MC2R: variants seen among roughly 807,000 people sequenced by gnomAD.
MC2R encodes melanocortin 2 receptor.
Under a neutral mutation model 9.8 loss-of-function variants are expected in MC2R, and 9 were observed. The observed-to-expected ratio is 0.92, with a 90% CI of 0.55 to 1.60. The LOEUF (loss-of-function observed/expected upper bound fraction) is 1.60, where lower values mean the gene tolerates loss of function less well. Ranked by LOEUF, MC2R falls within the 40% of genes most tolerant of loss-of-function variation. The probability of loss-of-function intolerance (pLI) is 0.00; values close to 1 mark genes in which losing one functional copy is unlikely to be tolerated. For synonymous variants in MC2R, 185 were observed against 154.7 expected (o/e 1.20, Z -1.45); for missense variants, 370 against 389.0 (o/e 0.95, Z 0.41).
chr18:13,892,338 A>T (rs116249317), intron 1 of MC2R, among the ~76,000 whole-genome samples: 2,496 of 149,390 alleles, frequency 0.017, 65 homozygotes, highest in African/African-American at 0.056. Context: ...AAAACAGAGG[A>T]TGAAGTATGG....
chr18:13,890,521 G>T lies in MC2R; in HGVS notation c.-128-4875C>A, dbSNP rs958779524. On this transcript the variant is annotated intron_variant, in intron 1 of 1. Coordinates refer to ENST00000327606, the MANE Select transcript of MC2R (RefSeq NM_000529.2). ...GGGTTCTGGTGGTGGGAGCTGTCAC[G>T]CGGCTGGGGCTGATCTGCACGTGTC... Among the ~76,000 whole-genome samples the T allele has an allele frequency of 2.6e-5, 4 of 152,280 alleles. No individual in the cohort carries two copies. The South Asian group carries it at 8.3e-4, about 32-fold the overall frequency.
chr18:13,915,091 C>T (rs1370901949), intron 1 of MC2R, among the ~76,000 whole-genome samples: 3 of 152,244 alleles, frequency 2.0e-5, no homozygotes, highest in East Asian at 3.9e-4. Context: ...CGCTAAAACC[C>T]CCGCACTCTT....
intron 1 of MC2R, among the ~76,000 whole-genome samples, 174 bp from the exon 2 acceptor site, chr18:13,885,820 A>C (rs146117819): frequency 1.3e-5 from 2 of 152,338 alleles, no homozygotes; most frequent in Non-Finnish European, 2.9e-5. Context: ...AAAGATATGG[A>C]ATCAACTAAA....
chr18:13,909,686 G>A (rs191401667), intron 1 of MC2R, among the ~76,000 whole-genome samples: 7 of 152,198 alleles, frequency 4.6e-5, no homozygotes, highest in Admixed American at 4.6e-4. Flanking sequence ...TTGGCCACTG[G>A]GAGCTCTCTC....
chr18:13,900,164 T>C (rs1042097090), intron 1 of MC2R, among the ~76,000 whole-genome samples: 1 of 152,116 alleles, frequency 6.6e-6, no homozygotes, highest in Non-Finnish European at 1.5e-5. Flanking sequence ...TGTTTGTTTA[T>C]GCAAACAATG....
At chr18:13,903,011 T>C (rs1240852887) in intron 1 of MC2R, among the ~76,000 whole-genome samples, 4 of 152,158 alleles carry the variant, frequency 2.6e-5, no homozygotes, top group South Asian at 4.1e-4. Flanking sequence ...TCTAATAATC[T>C]GATTTTTAAA....
chr18:13,884,970 C>T lies in MC2R; in HGVS notation c.549G>A (p.Pro183=), dbSNP rs200075322. 5.4e-5 allele frequency: 87 copies of T among 1,613,918 alleles called. No individual in the cohort carries two copies. The highest frequency in any genetic ancestry group is 6.5e-5 in the Non-Finnish European group (77 of 1,180,018). Residue 183 remains proline, a synonymous_variant, in exon 2 of 2, where the codon CCG becomes CCA. Transcript: ENST00000327606. The part of the protein sequence containing the change: ...PTVITFTSLF[P]LMLVFILCLY... ...GGCACAGGATGAAGACCAGCATCAG[C>T]GGGAACAGCGACGTGAAGGTGATCA...
At chr18:13,904,293 A>G (rs556094753) in intron 1 of MC2R, among the ~76,000 whole-genome samples, 126 of 150,966 alleles carry the variant, frequency 8.3e-4, no homozygotes, top group Non-Finnish European at 1.5e-3. Context: ...AGGCAGGAGA[A>G]TGGCGTGAAC....
At position 13,885,033 on chromosome 18, in the gene MC2R, GC is replaced by G; in HGVS notation, c.485del (p.Gly162AlafsTer5). 2 of 1,614,192 alleles carry G rather than the reference GC, an allele frequency of 1.2e-6. No individual in the cohort carries two copies. Among genetic ancestry groups the G allele is most frequent in the South Asian group, 2.2e-5 (2 of 91,082 alleles). ...TVIWTFCTGTGITMVIFSHHV... is the reference protein window; with the variant it reads ...TVIWTFCTGTXITMVIFSHHV... ...GATGGGAGAAGATCACCATGGTGAT[GC>G]CAGTCCCCGTGCAGAACGTCCAGAT... On this transcript the variant is annotated frameshift_variant, in exon 2 of 2. Transcript: ENST00000327606. LOFTEE classifies it high-confidence loss of function.
intron 1 of MC2R, among the ~76,000 whole-genome samples, chr18:13,888,543 C>T (rs1394286842): frequency 6.6e-6 from 1 of 152,216 alleles, no homozygotes; most frequent in South Asian, 2.1e-4. Flanking sequence ...CAGAGCCCGC[C>T]TTGTGACCAC....
rs34352644 is a variant in MC2R at position 13,892,805 on chromosome 18, T to TACACACAC, written c.-128-7167_-128-7160dup. On this transcript the variant is annotated intron_variant, in intron 1 of 1. Transcript: ENST00000327606. ...AGAGATGGAGATAGACATAATCTGTTACACACACACACACACACACACACA... is the reference window on the plus strand; with the variant it reads ...AGAGATGGAGATAGACATAATCTGTTACACACACACACACACACACACACACACACACA... Among the ~76,000 whole-genome samples the TACACACAC allele has an allele frequency of 1.9e-3, 276 of 147,214 alleles. 1 individual carries two copies. Among genetic ancestry groups the TACACACAC allele is most frequent in the African/African-American group, 6.4e-3 (254 of 39,508 alleles).
At chr18:13,900,853 C>A (rs1010139557) in intron 1 of MC2R, among the ~76,000 whole-genome samples, 9 of 152,042 alleles carry the variant, frequency 5.9e-5, no homozygotes, top group Admixed American at 4.6e-4. Context: ...GGCAGAAAAT[C>A]AACAAAGAAA....
At chr18:13,897,336 G>A (rs553119166) in intron 1 of MC2R, among the ~76,000 whole-genome samples, 4 of 152,310 alleles carry the variant, frequency 2.6e-5, no homozygotes, top group Middle Eastern at 3.4e-3. Context: ...TAGCCAGGGG[G>A]AATCGCTGAC....
chr18:13,898,343 A>C (rs1031847380), intron 1 of MC2R, among the ~76,000 whole-genome samples: 10 of 152,216 alleles, frequency 6.6e-5, no homozygotes, highest in African/African-American at 1.4e-4. Context: ...TTTGAGTGTC[A>C]GCTCAGCCAC....
chr18:13,900,235 A>G (rs995992407), intron 1 of MC2R, among the ~76,000 whole-genome samples: 9 of 152,116 alleles, frequency 5.9e-5, no homozygotes, highest in Non-Finnish European at 1.2e-4. Flanking sequence ...CCTCTTGGTA[A>G]CCTCAAACCA....
At chr18:13,899,392 C>T (rs1039232615) in intron 1 of MC2R, among the ~76,000 whole-genome samples, 57 of 152,126 alleles carry the variant, frequency 3.7e-4, no homozygotes, top group African/African-American at 1.3e-3. Context: ...AAGAGCAAAT[C>T]TAAGAGTTAT....
At chr18:13,901,251 G>A (rs1598466082) in intron 1 of MC2R, among the ~76,000 whole-genome samples, 1 of 151,992 alleles carries the variant, frequency 6.6e-6, no homozygotes, top group East Asian at 1.9e-4. Flanking sequence ...GCACTACTAA[G>A]AGGGAAATTT....
chr18:13,908,668 C>A (rs1275177484), intron 1 of MC2R, among the ~76,000 whole-genome samples: 1 of 146,160 alleles, frequency 6.8e-6, no homozygotes, highest in Non-Finnish European at 1.5e-5. Context: ...ATACATATAC[C>A]AGTTTATAAA....
Position 13,883,849 on chromosome 18 carries a change from C to A in MC2R, c.*776G>T, listed in dbSNP as rs1281332852. Reference sequence around the variant, plus strand: ...CATTTCTTCCTTTGAAATGTATGCTCATAAAGCATGAGGAAATGTAACAGG... The same window carrying A: ...CATTTCTTCCTTTGAAATGTATGCTAATAAAGCATGAGGAAATGTAACAGG... On this transcript the variant is annotated 3_prime_UTR_variant, in exon 2 of 2. Coordinates refer to ENST00000327606, the MANE Select transcript of MC2R (RefSeq NM_000529.2). 1 of 152,418 alleles carries A rather than the reference C, an allele frequency of 6.6e-6. No homozygotes were observed. Among genetic ancestry groups the A allele is most frequent in the South Asian group, 2.1e-4 (1 of 4,830 alleles). The allele number at this position is 152,418 out of a possible 1,614,324, so 9.4% of individuals were successfully genotyped here.
Sources: allele counts gnomAD v4.1 joint callset (sites outside exome capture counted in the v4.1 genomes callset), GRCh38; gene constraint gnomAD v4.1.1; transcripts MANE v1.5; gene names NCBI Gene and HGNC (gene_info 2026-07-23, HGNC 2026-07-21).